KIF27: variants seen among roughly 807,000 people sequenced by gnomAD.
KIF27 encodes kinesin-like protein KIF27.
A neutral mutation model predicts 141.8 loss-of-function variants in KIF27; 84 were observed. The observed-to-expected ratio is 0.59, with a 90% CI of 0.50 to 0.71. KIF27 has a LOEUF of 0.71. Among genes scored for constraint, KIF27 ranks in the 30% least tolerant of loss-of-function variants. KIF27 has a pLI of 0.00. For synonymous variants in KIF27, 471 were observed against 569.5 expected (o/e 0.83, Z 2.46); for missense variants, 1,306 against 1,628.4 (o/e 0.80, Z 3.41).
intron 17 of KIF27, chr9:83,837,741 T>C (rs1363277982): frequency 3.9e-6 from 1 of 255,644 alleles, no homozygotes; most frequent in Admixed American, 5.2e-5. Context: ...TTTGGGGGTT[T>C]GGTACTCCCT....
rs41282417 is a variant in KIF27, at chr9:83,903,370, A to C, written c.1148T>G (p.Ile383Ser). The C allele has an allele frequency of 2.9e-4, 462 of 1,614,126 alleles. No individual in the cohort carries two copies. Among genetic ancestry groups the C allele is most frequent in the Non-Finnish European group, 3.7e-4 (435 of 1,180,032 alleles). ...QQAGVSQTTQ[I>S]NREGSPDTNR... ...TGTATCAGGACTCCCTTCTCGATTG[A>C]TCTGGGTAGTTTGGCTGACACCAGC... The change falls in exon 4 of 18, where the codon ATC (isoleucine) becomes AGC (serine). Residue 383 changes from isoleucine (I) to serine (S), a missense_variant. Ile to Ser is a moderately radical substitution (Grantham distance 142). Around this residue, in one of 4 missense-constraint regions of KIF27, gnomAD observed 533 missense variants for 565.6 expected, o/e 0.94. Coordinates refer to ENST00000297814, the MANE Select transcript of KIF27 (RefSeq NM_017576.4).
At chr9:83,840,122 G>C (rs1946393178) in intron 17 of KIF27, among the ~76,000 whole-genome samples, 1 of 152,124 alleles carries the variant, frequency 6.6e-6, no homozygotes, top group Admixed American at 6.5e-5. Flanking sequence ...GTAGCATTAT[G>C]AGACAGGATA....
intron 5 of KIF27, among the ~76,000 whole-genome samples, chr9:83,892,334 A>C (rs1163501521): frequency 6.6e-6 from 1 of 152,164 alleles, no homozygotes; most frequent in East Asian, 1.9e-4. Flanking sequence ...AATATACAAC[A>C]TCAAAGGATT....
rs997060618 is a variant in KIF27, at chr9:83,921,045, G to A, written c.-88+326C>T. ...GGTGCGCTCTGAAAGGCCGGGTCCC[G>A]CGTTCCGGTCGATCGGTGTTCCCCG... On this transcript the variant is annotated intron_variant, in intron 1 of 17. Coordinates refer to ENST00000297814, the MANE Select transcript of KIF27 (RefSeq NM_017576.4). 1.2e-4 allele frequency among the ~76,000 whole-genome samples: 18 copies of A among 152,270 alleles called. No individual in the cohort carries two copies. In the East Asian group the frequency reaches 3.5e-3, roughly 29 times the overall value.
chr9:83,885,351 C>A (rs1344811318), intron 9 of KIF27, among the ~76,000 whole-genome samples: 3 of 152,184 alleles, frequency 2.0e-5, no homozygotes, highest in Non-Finnish European at 4.4e-5. Context: ...CCTCGGCCTC[C>A]CAAAGTGCTG....
intron 1 of KIF27, among the ~76,000 whole-genome samples, chr9:83,919,477 G>T (rs929984680): frequency 1.3e-5 from 2 of 152,122 alleles, no homozygotes; most frequent in African/African-American, 2.4e-5. Flanking sequence ...GTGAGGTTAG[G>T]TTCTTTGGAA....
intron 14 of KIF27, chr9:83,858,560 C>T (rs1408492631): frequency 6.6e-6 from 1 of 152,106 alleles, no homozygotes; most frequent in Non-Finnish European, 1.5e-5. Flanking sequence ...AATTTGACAG[C>T]CCATAAATGA....
chr9:83,916,301 G>A (rs1173411079), intron 1 of KIF27, among the ~76,000 whole-genome samples: 1 of 152,176 alleles, frequency 6.6e-6, no homozygotes, highest in African/African-American at 2.4e-5. Context: ...CCAAGTGCCA[G>A]GATTACAGGC....
In KIF27 at chr9:83,903,641, A is replaced by G; in HGVS notation, c.877T>C (p.Tyr293His). The G allele has an allele frequency of 6.2e-7, 1 of 1,614,152 alleles. No homozygotes were observed. The highest frequency in any genetic ancestry group is 8.5e-7 in the Non-Finnish European group (1 of 1,180,018). The change falls in exon 4 of 18, where the codon TAT becomes CAT. Residue 293 changes from tyrosine to histidine, a missense_variant. Physicochemically the swap from Tyr to His is moderately conservative, Grantham distance 83. This residue lies in a region of KIF27 where 533 missense variants were observed against 565.6 expected (regional missense o/e 0.94). Coordinates refer to ENST00000297814, the MANE Select transcript of KIF27 (RefSeq NM_017576.4). Reference sequence around the variant, plus strand: ...AGCCGGGTAATTTTAGCATCCCTATATGGAATATGTGAACTCTTCCTGCGT... The same window carrying G: ...AGCCGGGTAATTTTAGCATCCCTATGTGGAATATGTGAACTCTTCCTGCGT... The part of the protein sequence containing the change: ...DPRRKSSHIP[Y>H]RDAKITRLLK...
chr9:83,844,663 G>A (rs1190463789), intron 16 of KIF27, among the ~76,000 whole-genome samples: 1 of 152,176 alleles, frequency 6.6e-6, no homozygotes, highest in Admixed American at 6.5e-5. Context: ...GTGACTCTGT[G>A]TAATAAATTT....
intron 5 of KIF27, among the ~76,000 whole-genome samples, chr9:83,892,381 A>G (rs1206921202): frequency 6.6e-6 from 1 of 152,134 alleles, no homozygotes; most frequent in Non-Finnish European, 1.5e-5. Context: ...AAAGGATAAA[A>G]GTACCAATTA....
intron 16 of KIF27, among the ~76,000 whole-genome samples, chr9:83,846,739 G>A (rs35569902): frequency 1.3e-5 from 2 of 152,084 alleles, no homozygotes; most frequent in Admixed American, 6.5e-5. Context: ...TCCTGTTCCC[G>A]CAATATTATG....
At chr9:83,856,378 G>A (rs371399685) in intron 14 of KIF27, among the ~76,000 whole-genome samples, 5 of 151,962 alleles carry the variant, frequency 3.3e-5, no homozygotes, top group South Asian at 2.1e-4. Flanking sequence ...AGGCTGAGGC[G>A]GGTGGATCAC....
At chr9:83,866,591 C>T (rs373738221) in intron 13 of KIF27, among the ~76,000 whole-genome samples, 67 of 151,888 alleles carry the variant, frequency 4.4e-4, no homozygotes, top group Admixed American at 7.9e-4. Context: ...AAGTATATAA[C>T]TCAAGGCCGG....
intron 13 of KIF27, among the ~76,000 whole-genome samples, chr9:83,863,398 T>A (rs1950102317): frequency 6.6e-6 from 1 of 152,206 alleles, no homozygotes; most frequent in Non-Finnish European, 1.5e-5. Context: ...GCTGTTGAAT[T>A]TTGTCAAAGG....
chr9:83,862,078 C>G (rs1375706212), intron 13 of KIF27, among the ~76,000 whole-genome samples: 2 of 151,882 alleles, frequency 1.3e-5, no homozygotes, highest in African/African-American at 4.8e-5. Flanking sequence ...GATATTAGCC[C>G]TTTGTCAGAT....
At chr9:83,861,989 G>T (rs571155552) in intron 13 of KIF27, among the ~76,000 whole-genome samples, 1 of 152,178 alleles carries the variant, frequency 6.6e-6, no homozygotes, top group Non-Finnish European at 1.5e-5. Context: ...TTCGAGAAGC[G>T]TCTGTTCATA....
intron 13 of KIF27, chr9:83,863,932 C>A (rs1950150637): frequency 6.6e-6 from 1 of 152,114 alleles, no homozygotes; most frequent in Non-Finnish European, 1.5e-5. Context: ...GGAATTTATC[C>A]ATTTCTTCTA....
At chr9:83,902,958 A>G in intron 4 of KIF27, 102 bp downstream of exon 4, 1 of 654,384 alleles carries the variant, frequency 1.5e-6, no homozygotes, top group Non-Finnish European at 2.5e-6. Context: ...AGAGTTATCC[A>G]TAACAATGTC....
Sources: allele counts gnomAD v4.1 joint callset (sites outside exome capture counted in the v4.1 genomes callset), GRCh38; gene constraint gnomAD v4.1.1; regional missense constraint gnomAD v4.1.1; transcripts MANE v1.5; gene names NCBI Gene and HGNC (gene_info 2026-07-23, HGNC 2026-07-21).